The following PKN2 variants were observed in gnomAD, a reference collection of about 807,000 sequenced individuals.
PKN2 encodes the protein serine/threonine-protein kinase N2.
In PKN2, 38 loss-of-function variants were observed where a neutral mutation model predicts 119.1. The ratio of observed to expected loss-of-function variants is 0.32; its 90% CI spans 0.25 to 0.42. PKN2 has a LOEUF of 0.42. Among genes scored for constraint, PKN2 ranks in the 10% least tolerant of loss-of-function variants. PKN2 has a pLI of 1.00. For missense variants in PKN2, 850 were observed against 1,165.1 expected (o/e 0.73, Z 3.94); for synonymous variants, 390 against 384.9 (o/e 1.01, Z -0.15).
At chr1:88,770,906 G>C (rs1194798397) in intron 4 of PKN2, among the ~76,000 whole-genome samples, 1 of 142,422 alleles carries the variant, frequency 7.0e-6, no homozygotes, top group Non-Finnish European at 1.5e-5. Flanking sequence ...TTTTAATCTT[G>C]AGTTTTAGAC....
chr1:88,826,639 T>C (rs547213944), intron 18 of PKN2, among the ~76,000 whole-genome samples: 1 of 152,196 alleles, frequency 6.6e-6, no homozygotes, highest in Admixed American at 6.5e-5. Context: ...TGGTAGATGG[T>C]ATTATTAACT....
intron 16 of PKN2, among the ~76,000 whole-genome samples, chr1:88,817,426 G>T (rs1185664677): frequency 8.2e-6 from 1 of 122,488 alleles, no homozygotes; most frequent in Admixed American, 8.4e-5. Context: ...AAAAAAAAAA[G>T]GCCGGGTGAG....
At chr1:88,703,065 G>T (rs934998102) in intron 1 of PKN2, among the ~76,000 whole-genome samples, 1 of 152,052 alleles carries the variant, frequency 6.6e-6, no homozygotes, top group East Asian at 1.9e-4. Context: ...CTACCTTCCC[G>T]CACTCCTTGT....
At chr1:88,812,463 G>A (rs919147230) in intron 15 of PKN2, among the ~76,000 whole-genome samples, 10 of 152,134 alleles carry the variant, frequency 6.6e-5, no homozygotes, top group African/African-American at 2.4e-4. Context: ...GACAGGGGCT[G>A]GTATGGTGGT....
intron 2 of PKN2, among the ~76,000 whole-genome samples, chr1:88,741,628 T>C (rs1668582598): frequency 6.6e-6 from 1 of 152,128 alleles, no homozygotes; most frequent in African/African-American, 2.4e-5. Context: ...ACAGCACAAG[T>C]TTGCCAGCTG....
intron 2 of PKN2, 101 bp downstream of exon 2, chr1:88,741,389 T>G: frequency 1.3e-6 from 1 of 741,958 alleles, no homozygotes; most frequent in Non-Finnish European, 2.0e-6. Flanking sequence ...TTTTTAGCTT[T>G]TCTGAAAGTA....
At chr1:88,784,132 C>CTTT (rs397862410) in intron 6 of PKN2, among the ~76,000 whole-genome samples, 1,687 of 103,876 alleles carry the variant, frequency 0.016, 42 homozygotes, top group African/African-American at 0.028. Context: ...GATGCTGTTC[C>CTTT]TTTTTTTTTT....
At chr1:88,719,937 C>T (rs1307730749) in intron 1 of PKN2, among the ~76,000 whole-genome samples, 4 of 152,048 alleles carry the variant, frequency 2.6e-5, no homozygotes, top group Non-Finnish European at 5.9e-5. Context: ...TAAGAAAAAT[C>T]TGAGATTATT....
At chr1:88,821,358 C>T (rs1002591458) in intron 16 of PKN2, among the ~76,000 whole-genome samples, 23 of 152,138 alleles carry the variant, frequency 1.5e-4, no homozygotes, top group Non-Finnish European at 2.9e-4. Context: ...CGCATTGCTA[C>T]CAGAAAACTT....
rs756642967 is a variant in PKN2 at position 88,836,161 on chromosome 1, G to C, written c.*2713G>C. On this transcript the variant is annotated 3_prime_UTR_variant, in exon 22 of 22. Coordinates refer to ENST00000370521, the MANE Select transcript of PKN2 (RefSeq NM_006256.4). ...TGTTTTAATTAAGATGCAAGCACCA[G>C]TATTGTATGTACTTTTCTCTTGTTT... 2.6e-5 allele frequency: 4 copies of C among 152,044 alleles called. No homozygotes were observed. Among genetic ancestry groups the C allele is most frequent in the African/African-American group, 9.7e-5 (4 of 41,414 alleles). 9.4% of individuals were successfully genotyped at this position (152,044 alleles called of 1,614,324 possible).
At chr1:88,751,377 T>TACACACAC (rs34210018) in intron 2 of PKN2, among the ~76,000 whole-genome samples, 2,768 of 146,640 alleles carry the variant, frequency 0.019, 52 homozygotes, top group African/African-American at 0.047. Context: ...TATTTACACA[T>TACACACAC]ACACACACAC....
In PKN2 at chr1:88,820,911, T is replaced by G. The variant is rs1020324927; in HGVS notation, c.2280-1030T>G. On this transcript the variant is annotated intron_variant, in intron 16 of 21. Transcript: ENST00000370521. ...TGTTCAATAAGCCTATCATGTATAT[T>G]AGGCATTATGCTAATGCATTTAGGA... Among the ~76,000 whole-genome samples, 8 of 152,236 alleles carry G rather than the reference T, an allele frequency of 5.3e-5. No homozygotes were observed. In the East Asian group the frequency reaches 1.5e-3, roughly 29 times the overall value.
chr1:88,795,538 T>A (rs1671027479), intron 8 of PKN2, among the ~76,000 whole-genome samples: 1 of 152,202 alleles, frequency 6.6e-6, no homozygotes, highest in Non-Finnish European at 1.5e-5. Flanking sequence ...CATTATAGGT[T>A]CTGAACAAAA....
chr1:88,755,680 G>T (rs532647342), intron 2 of PKN2, among the ~76,000 whole-genome samples: 1 of 152,018 alleles, frequency 6.6e-6, no homozygotes, highest in East Asian at 1.9e-4. Context: ...TCAATTTGTG[G>T]CTAAGGAAAC....
chr1:88,773,494 A>G (rs1669974195), intron 6 of PKN2, among the ~76,000 whole-genome samples: 1 of 152,160 alleles, frequency 6.6e-6, no homozygotes, highest in Admixed American at 6.5e-5. Context: ...ACAGGGTTTT[A>G]CCATGATGGC....
chr1:88,774,034 C>T (rs1240040319), intron 6 of PKN2, among the ~76,000 whole-genome samples: 1 of 152,120 alleles, frequency 6.6e-6, no homozygotes, highest in Non-Finnish European at 1.5e-5. Context: ...AATCATAGAA[C>T]TCAGGGAAGC....
chr1:88,781,217 C>G lies in PKN2; in HGVS notation c.986-3422C>G. ...CTGCATGCTATTATTTGTGGTTCGT[C>G]TCATACTCCAGTTTCTTTTGTGGTT... is the stretch of plus-strand genomic sequence containing the variant. On this transcript the variant is annotated intron_variant, in intron 6 of 21. Transcript: ENST00000370521. The G allele has an allele frequency of 1.1e-5, 13 of 1,142,656 alleles. No individual in the cohort carries two copies. The South Asian group carries it at 1.5e-4, about 13-fold the overall frequency. 70.8% of individuals were successfully genotyped at this position (1,142,656 alleles called of 1,614,324 possible).
Position 88,828,487 on chromosome 1 carries a change from G to GA in PKN2, c.2427dup (p.Tyr810IlefsTer4). The GA allele has an allele frequency of 6.2e-7, 1 of 1,608,252 alleles. No homozygotes were observed. The highest frequency in any genetic ancestry group is 8.5e-7 in the Non-Finnish European group (1 of 1,175,448). On this transcript the variant is annotated frameshift_variant, in exon 19 of 22. Coordinates refer to ENST00000370521, the MANE Select transcript of PKN2 (RefSeq NM_006256.4). LOFTEE classifies it high-confidence loss of function. ...TACATTTTATCTTTTCCAGGAATGG[G>GA]ATATGGAGATAGAACAAGCACATTT...
intron 2 of PKN2, among the ~76,000 whole-genome samples, chr1:88,749,670 A>G (rs1668910028): frequency 6.6e-6 from 1 of 152,222 alleles, no homozygotes; most frequent in Non-Finnish European, 1.5e-5. Flanking sequence ...GTTGGACTTT[A>G]GGAGAAGTAT....
Sources: gnomAD v4.1 joint callset for allele counts (sites outside exome capture counted in the v4.1 genomes callset) on GRCh38, gnomAD v4.1.1 for gene constraint, MANE v1.5 for transcripts, NCBI Gene and HGNC (gene_info 2026-07-23, HGNC 2026-07-21) for gene names.